TOX3: variants seen among roughly 807,000 people sequenced by gnomAD.
The protein encoded by TOX3 is TOX high mobility group box family member 3, also known as CAG trinucleotide repeat-containing gene F9 protein.
In TOX3, 22 loss-of-function variants were observed where a neutral mutation model predicts 64.3. That is an observed-to-expected ratio of 0.34 (90% CI 0.24 to 0.49). The LOEUF (loss-of-function observed/expected upper bound fraction) is 0.49, where lower values mean the gene tolerates loss of function less well. TOX3 is among the 20% of genes least tolerant of loss of function. The probability of loss-of-function intolerance (pLI) is 0.99; values close to 1 mark genes in which losing one functional copy is unlikely to be tolerated. For missense variants in TOX3, 661 were observed against 714.4 expected (o/e 0.93, Z 0.85); for synonymous variants, 291 against 273.6 (o/e 1.06, Z -0.63).
At chr16:52,520,816 T>A (rs1962591181) in intron 1 of TOX3, among the ~76,000 whole-genome samples, 1 of 152,322 alleles carries the variant, frequency 6.6e-6, no homozygotes, top group Admixed American at 6.5e-5. Flanking sequence ...ACATTTTTTT[T>A]AATTTGTTTT....
At chr16:52,470,904 G>C (rs1961023186) in intron 1 of TOX3, among the ~76,000 whole-genome samples, 2 of 152,182 alleles carry the variant, frequency 1.3e-5, no homozygotes, top group Admixed American at 1.3e-4. Context: ...GGCGGGAACA[G>C]TTATAAATCA....
At chr16:52,511,815 T>C (rs1962319675) in intron 1 of TOX3, among the ~76,000 whole-genome samples, 1 of 151,828 alleles carries the variant, frequency 6.6e-6, no homozygotes, top group South Asian at 2.1e-4. Flanking sequence ...TATATTCTAA[T>C]GACTTGAAAG....
At chr16:52,443,499 T>C (rs1436455505) in intron 6 of TOX3, among the ~76,000 whole-genome samples, 1 of 152,200 alleles carries the variant, frequency 6.6e-6, no homozygotes, top group East Asian at 1.9e-4. Flanking sequence ...TAAATGGCTT[T>C]GAGACCCTAG....
At chr16:52,465,080 T>A (rs998289681) in intron 2 of TOX3, among the ~76,000 whole-genome samples, 1 of 132,994 alleles carries the variant, frequency 7.5e-6, no homozygotes, top group African/African-American at 2.9e-5. Context: ...AGTGGTGCCA[T>A]CTCGGCTCAC....
rs1490464681 is a variant in TOX3 at position 52,540,618 on chromosome 16, C to G, written c.87+6019G>C. On this transcript the variant is annotated intron_variant, in intron 1 of 6. Coordinates refer to ENST00000219746, the MANE Select transcript of TOX3 (RefSeq NM_001080430.4). ...CCTAGGGTTGGTACGCAACCCATTT[C>G]TGACCAATAAGATAAAAGAGACGGT... Among the ~76,000 whole-genome samples, 4 of 152,114 alleles carry G rather than the reference C, an allele frequency of 2.6e-5. No individual in the cohort carries two copies. In the East Asian group the frequency reaches 7.7e-4, roughly 29 times the overall value.
chr16:52,475,915 A>G (rs1961194649), intron 1 of TOX3, among the ~76,000 whole-genome samples: 1 of 152,194 alleles, frequency 6.6e-6, no homozygotes, highest in Admixed American at 6.5e-5. Flanking sequence ...CCAGCTTTGA[A>G]GGAACTCCAA....
Position 52,460,000 on chromosome 16 carries a change from A to C in TOX3, c.408+3934T>G, listed in dbSNP as rs577420959. On this transcript the variant is annotated intron_variant, in intron 3 of 6. Coordinates refer to ENST00000219746, the MANE Select transcript of TOX3 (RefSeq NM_001080430.4). The stretch of plus-strand genomic sequence containing the variant: ...TCTATCAAAAATGATATCTGTCTGG[A>C]TTATGACTTAAGAGTCTTATGAATA... Among the ~76,000 whole-genome samples the C allele has an allele frequency of 1.7e-4, 26 of 152,248 alleles. 1 individual carries two copies. The highest frequency in any genetic ancestry group is 6.0e-4 in the African/African-American group (25 of 41,578).
intron 1 of TOX3, among the ~76,000 whole-genome samples, chr16:52,512,504 C>T (rs1372920904): frequency 6.6e-6 from 1 of 152,210 alleles, no homozygotes; most frequent in Non-Finnish European, 1.5e-5. Context: ...GATCCCATGC[C>T]AGGCACGTTC....
At chr16:52,532,396 A>G (rs920909115) in intron 1 of TOX3, among the ~76,000 whole-genome samples, 1 of 152,188 alleles carries the variant, frequency 6.6e-6, no homozygotes, top group African/African-American at 2.4e-5. Flanking sequence ...AAATACTGCC[A>G]TCATGAACAA....
intron 1 of TOX3, among the ~76,000 whole-genome samples, chr16:52,482,069 T>A (rs1961385203): frequency 6.6e-6 from 1 of 152,160 alleles, no homozygotes; most frequent in Admixed American, 6.5e-5. Flanking sequence ...TTAGTTTGAG[T>A]ATGTGGCTAA....
intron 1 of TOX3, among the ~76,000 whole-genome samples, chr16:52,477,850 T>C (rs2151446512): frequency 6.6e-6 from 1 of 152,324 alleles, no homozygotes; most frequent in African/African-American, 2.4e-5. Flanking sequence ...TGTTTAATTT[T>C]TTTAAGAGAC....
chr16:52,543,174 A>G (rs1428244888), intron 1 of TOX3, among the ~76,000 whole-genome samples: 1 of 152,198 alleles, frequency 6.6e-6, no homozygotes, highest in Non-Finnish European at 1.5e-5. Context: ...ACAGTATCTT[A>G]TTTTGGGATG....
intron 1 of TOX3, among the ~76,000 whole-genome samples, chr16:52,524,970 A>T (rs760072829): frequency 1.5e-5 from 2 of 134,752 alleles, no homozygotes; most frequent in Non-Finnish European, 3.1e-5. Flanking sequence ...TTATTAAATT[A>T]AAAAAAAAAA....
chr16:52,517,187 T>C (rs1489714377), intron 1 of TOX3, among the ~76,000 whole-genome samples: 1 of 152,172 alleles, frequency 6.6e-6, no homozygotes, highest in African/African-American at 2.4e-5. Context: ...TTCAATCGAA[T>C]TTAAGAATTG....
chr16:52,527,002 G>A (rs887576197), intron 1 of TOX3, among the ~76,000 whole-genome samples: 4 of 152,204 alleles, frequency 2.6e-5, no homozygotes, highest in African/African-American at 9.6e-5. Flanking sequence ...GCGAACAAAC[G>A]AAACACAGCG....
At chr16:52,524,632 C>A (rs1962684180) in intron 1 of TOX3, among the ~76,000 whole-genome samples, 1 of 152,114 alleles carries the variant, frequency 6.6e-6, no homozygotes, top group Non-Finnish European at 1.5e-5. Flanking sequence ...AGAACACGGC[C>A]ACTCCTCCCT....
At chr16:52,490,988 G>A (rs1252645535) in intron 1 of TOX3, among the ~76,000 whole-genome samples, 2 of 151,926 alleles carry the variant, frequency 1.3e-5, no homozygotes, top group East Asian at 1.9e-4. Context: ...TTACCTAATT[G>A]GTTTTCAATA....
Position 52,439,186 on chromosome 16 carries a change from T to C in TOX3, c.*39A>G, listed in dbSNP as rs768004555. 3 of 1,613,138 alleles carry C rather than the reference T, an allele frequency of 1.9e-6. No homozygotes were observed. In the South Asian group the frequency reaches 3.3e-5, roughly 18 times the overall value. Reference sequence around the variant, plus strand: ...CATATGCTTTTCCCTCCTATGCCACTCTCCTTGGTATACGCAAATCCGTCT... The same window carrying C: ...CATATGCTTTTCCCTCCTATGCCACCCTCCTTGGTATACGCAAATCCGTCT... On this transcript the variant is annotated 3_prime_UTR_variant, in exon 7 of 7. Coordinates refer to ENST00000219746, the MANE Select transcript of TOX3 (RefSeq NM_001080430.4).
chr16:52,486,970 G>A (rs756974051), intron 1 of TOX3, among the ~76,000 whole-genome samples: 10 of 152,026 alleles, frequency 6.6e-5, no homozygotes, highest in Non-Finnish European at 8.8e-5. Flanking sequence ...AAGAAAAAAA[G>A]TGGTGACCAT....
Sources: allele counts gnomAD v4.1 joint callset (sites outside exome capture counted in the v4.1 genomes callset), GRCh38; gene constraint gnomAD v4.1.1; transcripts MANE v1.5; gene names NCBI Gene and HGNC (gene_info 2026-07-23, HGNC 2026-07-21).